Variants in MAML2 observed in about 807,000 individuals in gnomAD.
The protein encoded by MAML2 is mastermind like transcriptional coactivator 2.
In MAML2, 22 loss-of-function variants were observed where a neutral mutation model predicts 96.1. That is an observed-to-expected ratio of 0.23 (90% CI 0.16 to 0.33). The LOEUF (loss-of-function observed/expected upper bound fraction) is 0.33. MAML2 is among the 10% of genes least tolerant of loss of function. The pLI is 1.00. For synonymous variants in MAML2, 561 were observed against 521.3 expected (o/e 1.08, Z -1.04); for missense variants, 1,367 against 1,392.4 (o/e 0.98, Z 0.29).
chr11:96,252,716 C>G (rs1862602195), intron 1 of MAML2, among the ~76,000 whole-genome samples: 1 of 152,132 alleles, frequency 6.6e-6, no homozygotes, highest in Admixed American at 6.5e-5. Context: ...GCACCTGAGG[C>G]AAGAGAAGTT....
At chr11:96,194,546 A>G (rs1861702369) in intron 1 of MAML2, among the ~76,000 whole-genome samples, 2 of 152,252 alleles carry the variant, frequency 1.3e-5, no homozygotes, top group African/African-American at 4.8e-5. Flanking sequence ...TGGATTAAAT[A>G]ATTTATTCTC....
chr11:96,341,958 A>G lies in MAML2; in HGVS notation c.-63T>C, dbSNP rs1444528616. The G allele has an allele frequency of 3.5e-6, 5 of 1,430,992 alleles. No individual in the cohort carries two copies. Among genetic ancestry groups the G allele is most frequent in the African/African-American group, 2.9e-5 (2 of 69,692 alleles). 88.6% of individuals were successfully genotyped at this position (1,430,992 alleles called of 1,614,324 possible). A position where few individuals can be genotyped will look rare whatever the true frequency, so the allele number is the denominator to read the frequency against. On this transcript the variant is annotated 5_prime_UTR_variant, in exon 1 of 5. Coordinates refer to ENST00000524717, the MANE Select transcript of MAML2 (RefSeq NM_032427.4). Reference sequence around the variant, plus strand: ...AGGTGGAAAGAGGCTACTGCTGGCTATTGCAGGCAAGTCTGTTTTTGACAA... The same window carrying G: ...AGGTGGAAAGAGGCTACTGCTGGCTGTTGCAGGCAAGTCTGTTTTTGACAA...
intron 1 of MAML2, among the ~76,000 whole-genome samples, chr11:96,149,937 T>C (rs1262206205): frequency 6.6e-6 from 1 of 152,164 alleles, no homozygotes; most frequent in African/African-American, 2.4e-5. Flanking sequence ...CGCCATGTTC[T>C]TAACTGTCAC....
At chr11:95,998,209 G>C (rs7946531) in intron 2 of MAML2, among the ~76,000 whole-genome samples, 122,992 of 151,530 alleles carry the variant, frequency 0.81, 49,947 homozygotes, top group East Asian at 0.93. Flanking sequence ...ATCCATCTAC[G>C]TACCCAACCT....
intron 2 of MAML2, among the ~76,000 whole-genome samples, chr11:96,032,889 G>A (rs1219730713): frequency 6.6e-6 from 1 of 152,090 alleles, no homozygotes; most frequent in Non-Finnish European, 1.5e-5. Context: ...TGGGGGAAGA[G>A]GTTGAATACA....
At chr11:96,184,040 GGA>G (rs1256183683) in intron 1 of MAML2, among the ~76,000 whole-genome samples, 3 of 152,192 alleles carry the variant, frequency 2.0e-5, no homozygotes, top group African/African-American at 7.2e-5. Flanking sequence ...TACTGAACAG[GGA>G]GAGATTATGC....
intron 1 of MAML2, among the ~76,000 whole-genome samples, chr11:96,249,966 T>A (rs1233842782): frequency 6.6e-6 from 1 of 152,200 alleles, no homozygotes; most frequent in Non-Finnish European, 1.5e-5. Flanking sequence ...TCATCTCCCA[T>A]CACTCCCACC....
chr11:96,016,141 T>C (rs12286938), intron 2 of MAML2, among the ~76,000 whole-genome samples: 32,852 of 152,044 alleles, frequency 0.22, 4,208 homozygotes, highest in Non-Finnish European at 0.3. Context: ...AGAAATCCGA[T>C]TGGGTCTCTG....
intron 1 of MAML2, among the ~76,000 whole-genome samples, chr11:96,153,484 T>C (rs567914047): frequency 6.6e-6 from 1 of 152,220 alleles, no homozygotes; most frequent in Non-Finnish European, 1.5e-5. Flanking sequence ...TTAGGATTAA[T>C]TTTGGTTTTT....
intron 2 of MAML2, among the ~76,000 whole-genome samples, chr11:96,065,088 C>T (rs891198251): frequency 1.4e-4 from 21 of 152,034 alleles, no homozygotes; most frequent in African/African-American, 4.8e-4. Flanking sequence ...TTCCCCAGAA[C>T]CTAAAGTATC....
chr11:96,209,483 A>G (rs73527593), intron 1 of MAML2, among the ~76,000 whole-genome samples: 8,101 of 152,004 alleles, frequency 0.053, 677 homozygotes, highest in African/African-American at 0.18. Context: ...ACTGAGGCAG[A>G]AGAATCGCTT....
At chr11:96,290,007 T>C (rs547289340) in intron 1 of MAML2, among the ~76,000 whole-genome samples, 2 of 152,334 alleles carry the variant, frequency 1.3e-5, no homozygotes, top group Non-Finnish European at 2.9e-5. Context: ...CACTTTTCTC[T>C]CACTGCTTTT....
chr11:96,062,570 G>A (rs74778965), intron 2 of MAML2, among the ~76,000 whole-genome samples: 2,234 of 152,230 alleles, frequency 0.015, 67 homozygotes, highest in African/African-American at 0.051. Flanking sequence ...AATATGGAGT[G>A]GTGGAAGGAA....
intron 2 of MAML2, among the ~76,000 whole-genome samples, chr11:96,006,102 G>T (rs1858174423): frequency 2.0e-5 from 3 of 152,128 alleles, no homozygotes; most frequent in African/African-American, 7.2e-5. Flanking sequence ...ATTAGAAAAG[G>T]AGCCATCTGT....
intron 1 of MAML2, among the ~76,000 whole-genome samples, chr11:96,262,274 T>A (rs569256826): frequency 2.0e-5 from 3 of 152,308 alleles, no homozygotes; most frequent in Non-Finnish European, 2.9e-5. Flanking sequence ...CTTCTCCAAA[T>A]GTGCTGATTT....
chr11:96,247,973 G>T (rs998890992), intron 1 of MAML2, among the ~76,000 whole-genome samples: 10 of 152,022 alleles, frequency 6.6e-5, no homozygotes, highest in Non-Finnish European at 1.5e-4. Flanking sequence ...AAACTGAAAT[G>T]TGCTGTTAGT....
intron 2 of MAML2, among the ~76,000 whole-genome samples, chr11:96,030,069 T>A (rs1858588559): frequency 6.6e-6 from 1 of 151,984 alleles, no homozygotes; most frequent in Admixed American, 6.6e-5. Flanking sequence ...CCGTCTCTGC[T>A]AAAAATACAA....
chr11:96,249,932 G>A (rs1195145273), intron 1 of MAML2, among the ~76,000 whole-genome samples: 1 of 152,122 alleles, frequency 6.6e-6, no homozygotes, highest in Non-Finnish European at 1.5e-5. Context: ...AGCCCTACAA[G>A]GTGTTCCTGC....
intron 2 of MAML2, among the ~76,000 whole-genome samples, chr11:96,058,972 C>T (rs187164551): frequency 6.6e-6 from 1 of 152,280 alleles, no homozygotes; most frequent in African/African-American, 2.4e-5. Flanking sequence ...ATCCCAGCTA[C>T]TTGGGAGGCT....
Sources: gnomAD v4.1 joint callset for allele counts (sites outside exome capture counted in the v4.1 genomes callset) on GRCh38, gnomAD v4.1.1 for gene constraint, MANE v1.5 for transcripts, NCBI Gene and HGNC (gene_info 2026-07-23, HGNC 2026-07-21) for gene names.